The following INPP4B variants were observed in gnomAD, a reference collection of about 807,000 sequenced individuals.
INPP4B encodes the protein inositol polyphosphate-4-phosphatase type II B, also known as inositol polyphosphate 4-phosphatase type II.
Under a neutral mutation model 122.5 loss-of-function variants are expected in INPP4B, and 55 were observed. The observed-to-expected ratio is 0.45, with a 90% CI of 0.36 to 0.56. INPP4B has a LOEUF of 0.56. Ranked by LOEUF, INPP4B falls within the 20% of genes least tolerant of loss-of-function variation. The probability of loss-of-function intolerance (pLI) is 0.00; values close to 1 mark genes in which losing one functional copy is unlikely to be tolerated. For missense variants in INPP4B, 1,000 were observed against 1,097.7 expected, an observed-to-expected ratio of 0.91 and a Z score of 1.26; for synonymous variants, 403 against 388.7, an observed-to-expected ratio of 1.04 and a Z score of -0.43.
intron 11 of INPP4B, among the ~76,000 whole-genome samples, chr4:142,249,138 A>G (rs114719505): frequency 0.032 from 4,858 of 152,240 alleles, 84 homozygotes; most frequent in Non-Finnish European, 0.05. Context: ...TAATAGCAGC[A>G]CAGTCTCCTC....
At chr4:142,529,129 T>C (rs1306504326) in intron 2 of INPP4B, among the ~76,000 whole-genome samples, 1 of 152,084 alleles carries the variant, frequency 6.6e-6, no homozygotes, top group Non-Finnish European at 1.5e-5. Context: ...GTTTTAAAAA[T>C]GACCAACGGA....
At chr4:142,680,602 A>G (rs1364497602) in intron 2 of INPP4B, among the ~76,000 whole-genome samples, 1 of 151,944 alleles carries the variant, frequency 6.6e-6, no homozygotes, top group Non-Finnish European at 1.5e-5. Context: ...CTCTTTAGTT[A>G]ATGAGTTACC....
chr4:142,621,223 G>T (rs991102483), intron 2 of INPP4B, among the ~76,000 whole-genome samples: 2 of 151,902 alleles, frequency 1.3e-5, no homozygotes, highest in African/African-American at 4.8e-5. Context: ...AGAATGGAGT[G>T]TAAATCCTTC....
At chr4:142,774,839 A>G (rs1773609622) in intron 1 of INPP4B, among the ~76,000 whole-genome samples, 1 of 151,994 alleles carries the variant, frequency 6.6e-6, no homozygotes, top group Non-Finnish European at 1.5e-5. Context: ...AGTACAGTAT[A>G]TTTGTCACAA....
At chr4:142,520,904 C>T (rs1825992623) in intron 2 of INPP4B, among the ~76,000 whole-genome samples, 1 of 151,876 alleles carries the variant, frequency 6.6e-6, no homozygotes, top group African/African-American at 2.4e-5. Context: ...AAAATAAATA[C>T]CATTGACCTT....
intron 7 of INPP4B, among the ~76,000 whole-genome samples, chr4:142,389,217 T>C (rs1316651213): frequency 6.9e-6 from 1 of 145,418 alleles, no homozygotes; most frequent in Admixed American, 7.1e-5. Context: ...CCCACTGCAC[T>C]CCAGCCTGTG....
chr4:142,229,720 T>C (rs1248404689), intron 12 of INPP4B, among the ~76,000 whole-genome samples: 1 of 152,134 alleles, frequency 6.6e-6, no homozygotes, highest in Non-Finnish European at 1.5e-5. Flanking sequence ...TCCATGATTA[T>C]CGGTCATCCC....
intron 2 of INPP4B, among the ~76,000 whole-genome samples, chr4:142,604,283 A>G (rs1740725329): frequency 6.6e-6 from 1 of 152,082 alleles, no homozygotes; most frequent in Non-Finnish European, 1.5e-5. Context: ...TGCTGAATGG[A>G]AAAAGTTGAA....
At chr4:142,786,811 T>C (rs921146437) in intron 1 of INPP4B, among the ~76,000 whole-genome samples, 6 of 152,056 alleles carry the variant, frequency 3.9e-5, no homozygotes, top group Non-Finnish European at 8.8e-5. Flanking sequence ...AGAGACATAC[T>C]ATAAAATACC....
intron 2 of INPP4B, among the ~76,000 whole-genome samples, chr4:142,488,838 AT>A (rs933132157): frequency 6.7e-6 from 1 of 149,398 alleles, no homozygotes; most frequent in Non-Finnish European, 1.5e-5. Flanking sequence ...CCAGTCTTTT[AT>A]TTTTTTTCAC....
At chr4:142,247,931 A>G (rs1419736933) in intron 11 of INPP4B, among the ~76,000 whole-genome samples, 6 of 152,200 alleles carry the variant, frequency 3.9e-5, no homozygotes, top group Admixed American at 2.0e-4. Context: ...GTAAATTCAG[A>G]TAAGATACAC....
intron 1 of INPP4B, among the ~76,000 whole-genome samples, chr4:142,830,154 C>T (rs1781947602): frequency 6.6e-6 from 1 of 152,082 alleles, no homozygotes; most frequent in South Asian, 2.1e-4. Context: ...GTTATAGATA[C>T]ATGTATCTAC....
chr4:142,720,706 C>A (rs1247141695), intron 2 of INPP4B, among the ~76,000 whole-genome samples: 3 of 61,610 alleles, frequency 4.9e-5, no homozygotes, highest in African/African-American at 1.6e-4. Context: ...ATATGAACAG[C>A]CAACTGTATA....
At position 142,332,882 on chromosome 4, in the gene INPP4B, G is replaced by A. The variant is rs188690523; in HGVS notation, c.373-18120C>T. Among the ~76,000 whole-genome samples, 7 of 150,904 alleles carry A rather than the reference G, an allele frequency of 4.6e-5. No homozygotes were observed. In the East Asian group the frequency reaches 1.4e-3, roughly 29 times the overall value. Reference sequence around the variant, plus strand: ...AAAAAAAGGCCAGGCGTGGTGGCGGGTGCCTATAGTCCCAGCTACGTGGGA... The same window carrying A: ...AAAAAAAGGCCAGGCGTGGTGGCGGATGCCTATAGTCCCAGCTACGTGGGA... On this transcript the variant is annotated intron_variant, in intron 7 of 25. Transcript: ENST00000262992.
chr4:142,415,467 C>A (rs1305941249), intron 5 of INPP4B, among the ~76,000 whole-genome samples: 2 of 152,060 alleles, frequency 1.3e-5, no homozygotes, highest in African/African-American at 4.8e-5. Context: ...CATCTCACAC[C>A]AGTTAGAATG....
intron 1 of INPP4B, among the ~76,000 whole-genome samples, chr4:142,740,277 T>C (rs771458006): frequency 1.7e-4 from 26 of 151,988 alleles, no homozygotes; most frequent in Non-Finnish European, 3.2e-4. Flanking sequence ...AATACCTCCA[T>C]ATCCCACTAT....
At chr4:142,655,932 A>T (rs1222508865) in intron 2 of INPP4B, among the ~76,000 whole-genome samples, 1 of 152,244 alleles carries the variant, frequency 6.6e-6, no homozygotes, top group South Asian at 2.1e-4. Context: ...ACATAATGAC[A>T]TTTGTATACT....
chr4:142,054,838 G>A (rs1343231892), intron 25 of INPP4B, among the ~76,000 whole-genome samples: 1 of 147,866 alleles, frequency 6.8e-6, no homozygotes. Context: ...TCTTTATTAT[G>A]TACTGTCTGT....
At chr4:142,799,953 T>C (rs1359020719) in intron 1 of INPP4B, among the ~76,000 whole-genome samples, 1 of 152,064 alleles carries the variant, frequency 6.6e-6, no homozygotes, top group Non-Finnish European at 1.5e-5. Flanking sequence ...ACATAAAATC[T>C]TTGCCTCTTT....
Sources: gnomAD v4.1 joint callset for allele counts (sites outside exome capture counted in the v4.1 genomes callset) on GRCh38, gnomAD v4.1.1 for gene constraint, MANE v1.5 for transcripts, NCBI Gene and HGNC (gene_info 2026-07-23, HGNC 2026-07-21) for gene names.